The following LRRIQ1 variants were observed in gnomAD, a reference collection of about 807,000 sequenced individuals.
LRRIQ1 encodes the protein leucine-rich repeat- and IQ domain-containing protein 1.
LRRIQ1 carries 210 observed loss-of-function variants against 211.9 expected under a neutral mutation model. That is an observed-to-expected ratio of 0.99 (90% CI 0.89 to 1.11). The LOEUF (loss-of-function observed/expected upper bound fraction) is 1.11, where lower values mean the gene tolerates loss of function less well. Among genes scored for constraint, LRRIQ1 ranks in the 50% most tolerant of loss-of-function variants. The probability of loss-of-function intolerance (pLI) is 0.00; values close to 1 mark genes in which losing one functional copy is unlikely to be tolerated. For synonymous variants in LRRIQ1, 699 were observed against 650.1 expected (o/e 1.08, Z -1.14); for missense variants, 2,136 against 1,939.5 (o/e 1.10, Z -1.90).
intron 24 of LRRIQ1, among the ~76,000 whole-genome samples, chr12:85,182,926 G>C (rs1283641550): frequency 2.6e-5 from 4 of 152,154 alleles, no homozygotes; most frequent in Admixed American, 6.6e-5. Context: ...GGTCAGAGCT[G>C]CTCTGCTGGC....
intron 24 of LRRIQ1, among the ~76,000 whole-genome samples, chr12:85,209,927 T>G (rs576495318): frequency 2.0e-5 from 3 of 152,232 alleles, no homozygotes; most frequent in Admixed American, 1.3e-4. Context: ...TTCCACTTCA[T>G]CAAGAAGCCA....
rs775695652 is a variant in LRRIQ1, at chr12:85,056,070, T to C, written c.1277T>C (p.Leu426Pro). ...GATAAGGGTGATATAGCCAAAAATC[T>C]AGTGGATGAAAATTCAAAGAAGCAG... ...SNDKGDIAKN[L>P]VDENSKKQED... is the part of the protein sequence containing the mutation. The change falls in exon 8 of 27, where the codon CTA becomes CCA. Residue 426 changes from leucine (L) to proline (P), a missense_variant. Physicochemically the swap from Leu to Pro is moderately conservative, Grantham distance 98 (BLOSUM62 -3). Coordinates refer to ENST00000393217, the MANE Select transcript of LRRIQ1 (RefSeq NM_001079910.2). 5.0e-6 allele frequency: 8 copies of C among 1,594,036 alleles called. No homozygotes were observed. The South Asian group carries it at 7.0e-5, about 14-fold the overall frequency.
At chr12:85,157,660 T>C (rs954601142) in intron 23 of LRRIQ1, among the ~76,000 whole-genome samples, 2 of 151,826 alleles carry the variant, frequency 1.3e-5, no homozygotes, top group East Asian at 3.9e-4. Flanking sequence ...GTCAATAATC[T>C]CACAACACTG....
chr12:85,252,717 T>C (rs1895982674), intron 1 of LRRIQ1, among the ~76,000 whole-genome samples: 1 of 151,854 alleles, frequency 6.6e-6, no homozygotes, highest in Admixed American at 6.6e-5. Context: ...CTCTAGTATA[T>C]TAATGGACCA....
At chr12:85,069,611 T>C (rs1882847907) in intron 10 of LRRIQ1, among the ~76,000 whole-genome samples, 1 of 151,776 alleles carries the variant, frequency 6.6e-6, no homozygotes, top group Non-Finnish European at 1.5e-5. Context: ...TGTTGTTTCC[T>C]GACTTTTTAA....
chr12:85,047,548 C>T, intron 6 of LRRIQ1, 78 bp downstream of exon 6: 2 of 1,220,020 alleles, frequency 1.6e-6, no homozygotes, highest in East Asian at 4.7e-5. Context: ...GATTGTGTTG[C>T]AGATTGAGCT....
rs746816122 is a variant in LRRIQ1 at position 85,065,402 on chromosome 12, C to T, written c.2532C>T (p.Tyr844=). Reference sequence around the variant, plus strand: ...TGAGTAATTGTAAAAAACTTAAGTACATTGATGCACAGGTATGCTCTCTGC... The same window carrying T: ...TGAGTAATTGTAAAAAACTTAAGTATATTGATGCACAGGTATGCTCTCTGC... ...HSLSNCKKLK[Y]IDAQENHIEA... is the part of the protein sequence containing the mutation. Residue 844 remains tyrosine (Y), a synonymous_variant, in exon 9 of 27, where the codon TAC becomes TAT. Coordinates refer to ENST00000393217, the MANE Select transcript of LRRIQ1 (RefSeq NM_001079910.2). 6.2e-7 allele frequency: 1 copy of T among 1,607,678 alleles called. No homozygotes were observed. The highest frequency in any genetic ancestry group is 8.5e-7 in the Non-Finnish European group (1 of 1,176,346).
chr12:85,166,657 G>A (rs1891168853), intron 24 of LRRIQ1, among the ~76,000 whole-genome samples: 1 of 152,146 alleles, frequency 6.6e-6, no homozygotes, highest in African/African-American at 2.4e-5. Flanking sequence ...TATAGTACTT[G>A]CTAATAGTGC....
intron 24 of LRRIQ1, among the ~76,000 whole-genome samples, chr12:85,191,403 G>C (rs1359204479): frequency 6.6e-6 from 1 of 151,886 alleles, no homozygotes; most frequent in Non-Finnish European, 1.5e-5. Context: ...ATGTCACATA[G>C]TTGGAATCAT....
rs567805009 is a variant in LRRIQ1 at position 85,050,426 on chromosome 12, A to G, written c.679-1751A>G. 2.6e-5 allele frequency among the ~76,000 whole-genome samples: 4 copies of G among 152,214 alleles called. No homozygotes were observed. In the South Asian group the frequency reaches 8.3e-4, roughly 32 times the overall value. On this transcript the variant is annotated intron_variant, in intron 6 of 26. Transcript: ENST00000393217. ...CATAACTCTCCTACAAAAACTGCATACTCAGAGAACTTTATGTATCTAAAA... is the reference window on the plus strand; with the variant it reads ...CATAACTCTCCTACAAAAACTGCATGCTCAGAGAACTTTATGTATCTAAAA...
At chr12:85,239,765 G>T (rs1895379733) in intron 26 of LRRIQ1, among the ~76,000 whole-genome samples, 1 of 151,956 alleles carries the variant, frequency 6.6e-6, no homozygotes, top group South Asian at 2.1e-4. Context: ...ATCATTTGAG[G>T]CCAGGAGTTT....
chr12:85,200,410 G>A (rs1893230935), intron 24 of LRRIQ1, among the ~76,000 whole-genome samples: 1 of 152,084 alleles, frequency 6.6e-6, no homozygotes, highest in Admixed American at 6.6e-5. Flanking sequence ...TGCAAATAGA[G>A]ATAGTCTGAC....
rs75460496 is a variant in LRRIQ1 at position 85,118,296 on chromosome 12, CTATT to C, written c.3378-3396_3378-3393del. Among the ~76,000 whole-genome samples, 46 of 152,206 alleles carry C rather than the reference CTATT, an allele frequency of 3.0e-4. No individual in the cohort carries two copies. The East Asian group carries it at 5.6e-3, about 18-fold the overall frequency. ...CTCATATTTTCTTAACTTGATCAAA[CTATT>C]TATTAGCAAAGCGTCAAGATTTTTA... On this transcript the variant is annotated intron_variant, in intron 15 of 26. Transcript: ENST00000393217.
rs1321601759 is a variant in LRRIQ1 at position 85,124,212 on chromosome 12, C to T, written c.3700C>T (p.His1234Tyr). ...KKDESEAQKN[H>Y]LAPTNSDSTL... ...AGATGAATCAGAAGCCCAGAAAAAT[C>T]ATTTGGCCCCTACAAACAGTGACAG... is the stretch of plus-strand genomic sequence containing the variant. Residue 1234 changes from histidine to tyrosine, a missense_variant, in exon 17 of 27, where the codon CAT (histidine) becomes TAT (tyrosine). His to Tyr is a moderately conservative substitution (Grantham distance 83, BLOSUM62 2). Coordinates refer to ENST00000393217, the MANE Select transcript of LRRIQ1 (RefSeq NM_001079910.2). The T allele has an allele frequency of 6.2e-7, 1 of 1,613,926 alleles. No individual in the cohort carries two copies. The highest frequency in any genetic ancestry group is 1.3e-5 in the African/African-American group (1 of 74,886).
rs372645302 is a variant in LRRIQ1, at chr12:85,153,005, T to G, written c.4420-19T>G. On this transcript the variant is annotated intron_variant, in intron 20 of 26. Transcript: ENST00000393217. ...ATTTTTTATTTTACTTCACACTTAT[T>G]TACTTTTTTTGTGAAAAGATTCCTG... 9 of 1,519,876 alleles carry G rather than the reference T, an allele frequency of 5.9e-6. No homozygotes were observed. The highest frequency in any genetic ancestry group is 9.0e-7 in the Non-Finnish European group (1 of 1,114,048). The allele number at this position is 1,519,876 out of a possible 1,614,324, so 94.1% of individuals were successfully genotyped here.
chr12:85,229,315 G>A (rs2137178398), intron 24 of LRRIQ1, among the ~76,000 whole-genome samples: 1 of 152,176 alleles, frequency 6.6e-6, no homozygotes, highest in East Asian at 1.9e-4. Context: ...AAATAGATGG[G>A]TTTGAAACCT....
intron 2 of LRRIQ1, among the ~76,000 whole-genome samples, chr12:85,040,268 C>T (rs1172006180): frequency 1.3e-5 from 2 of 151,474 alleles, no homozygotes; most frequent in African/African-American, 4.8e-5. Context: ...TAACTCTTTT[C>T]ATTTGTTTTC....
At chr12:85,094,478 G>T (rs1179796650) in intron 11 of LRRIQ1, among the ~76,000 whole-genome samples, 1 of 152,076 alleles carries the variant, frequency 6.6e-6, no homozygotes, top group Non-Finnish European at 1.5e-5. Context: ...TGGTCTATTT[G>T]TTTTTGTACC....
chr12:85,086,620 T>C (rs113397941), intron 11 of LRRIQ1, among the ~76,000 whole-genome samples: 35,777 of 151,700 alleles, frequency 0.24, 4,791 homozygotes, highest in African/African-American at 0.34. Flanking sequence ...TTTTCTTTTT[T>C]TTTTTTCTGG....
Sources: allele counts gnomAD v4.1 joint callset (sites outside exome capture counted in the v4.1 genomes callset), GRCh38; gene constraint gnomAD v4.1.1; transcripts MANE v1.5; gene names NCBI Gene and HGNC (gene_info 2026-07-23, HGNC 2026-07-21).